The following NRG2 variants were observed in gnomAD, a reference collection of about 807,000 sequenced individuals.
The protein encoded by NRG2 is pro-neuregulin-2, membrane-bound isoform.
NRG2 carries 27 observed loss-of-function variants against 73.9 expected under a neutral mutation model. The ratio of observed to expected loss-of-function variants is 0.37; its 90% CI spans 0.27 to 0.50. NRG2 has a LOEUF of 0.50. Ranked by LOEUF, NRG2 falls within the 20% of genes least tolerant of loss-of-function variation. The probability of loss-of-function intolerance (pLI) is 0.96; values close to 1 mark genes in which losing one functional copy is unlikely to be tolerated. For synonymous variants in NRG2, 532 were observed against 541.0 expected (o/e 0.98, Z 0.23); for missense variants, 1,126 against 1,210.1 (o/e 0.93, Z 1.03).
intron 1 of NRG2, among the ~76,000 whole-genome samples, chr5:140,033,962 C>CTT (rs771835768): frequency 7.0e-6 from 1 of 143,198 alleles, no homozygotes. Flanking sequence ...AGACGGTTTC[C>CTT]TTTTTTTTTT....
At position 139,871,792 on chromosome 5, in the gene NRG2, C is replaced by T. The variant is rs199860008; in HGVS notation, c.1041G>A (p.Glu347=). ...CATTGACGCAATAGGACTTGGCTGT[C>T]TCGTTGCACTTCCGGGCGTGCCCCG... is the stretch of plus-strand genomic sequence containing the variant. ...SWSGHARKCN[E]TAKSYCVNGG... The change falls in exon 4 of 10, where the codon GAG becomes GAA. Residue 347 remains glutamate, a synonymous_variant. Transcript: ENST00000361474. 2 of 1,614,154 alleles carry T rather than the reference C, an allele frequency of 1.2e-6. No homozygotes were observed. Among genetic ancestry groups the T allele is most frequent in the African/African-American group, 2.7e-5 (2 of 75,050 alleles).
At chr5:139,995,020 T>C (rs1757922010) in intron 1 of NRG2, among the ~76,000 whole-genome samples, 1 of 152,074 alleles carries the variant, frequency 6.6e-6, no homozygotes, top group Admixed American at 6.5e-5. Flanking sequence ...CTAGAGGCAA[T>C]GAGGAGAGAT....
chr5:139,948,239 G>C (rs903324911), intron 1 of NRG2, among the ~76,000 whole-genome samples: 2 of 152,134 alleles, frequency 1.3e-5, no homozygotes, highest in African/African-American at 4.8e-5. Flanking sequence ...GAGGCAGAAG[G>C]CTTCTTTCCT....
chr5:139,982,888 C>T (rs1756917615), intron 1 of NRG2, among the ~76,000 whole-genome samples: 1 of 152,168 alleles, frequency 6.6e-6, no homozygotes, highest in Non-Finnish European at 1.5e-5. Flanking sequence ...CCATCAGAAA[C>T]TGCCTTCATG....
Position 139,852,360 on chromosome 5 carries a change from G to A in NRG2, c.1544+72C>T. 1 of 1,563,966 alleles carries A rather than the reference G, an allele frequency of 6.4e-7. No homozygotes were observed. Among genetic ancestry groups the A allele is most frequent in the Non-Finnish European group, 8.7e-7 (1 of 1,152,642 alleles). ...GGGTATTGAATAGCTCTGGATGTCG[G>A]AGTAAGTGGGCACTTTGCGCCAGAT... On this transcript the variant is annotated intron_variant, in intron 8 of 9. Transcript: ENST00000361474. The surrounding 1 kb of genome is among the most constrained non-coding windows in gnomAD (Gnocchi z 4.4).
At chr5:139,903,546 T>G (rs1581907845) in intron 1 of NRG2, among the ~76,000 whole-genome samples, 1 of 152,212 alleles carries the variant, frequency 6.6e-6, no homozygotes, top group Admixed American at 6.5e-5. Flanking sequence ...GGGCCGCCTC[T>G]GAGAAGCCCG....
chr5:139,896,367 C>T (rs1426435678), intron 1 of NRG2, among the ~76,000 whole-genome samples: 3 of 152,178 alleles, frequency 2.0e-5, no homozygotes, highest in Non-Finnish European at 4.4e-5. Context: ...GGAACAGGCT[C>T]ATGTGCTCAC....
At chr5:139,861,956 G>C (rs1287334176) in intron 5 of NRG2, among the ~76,000 whole-genome samples, 1 of 152,206 alleles carries the variant, frequency 6.6e-6, no homozygotes, top group African/African-American at 2.4e-5. Flanking sequence ...CGACGAGGTG[G>C]TTGTATTAGA....
chr5:139,876,132 G>A (rs1199623820), intron 3 of NRG2, among the ~76,000 whole-genome samples: 1 of 152,092 alleles, frequency 6.6e-6, no homozygotes, highest in East Asian at 1.9e-4. Flanking sequence ...ACTTATGAGT[G>A]GATAAATAAA....
At chr5:139,939,095 C>T (rs568782546) in intron 1 of NRG2, among the ~76,000 whole-genome samples, 6 of 151,844 alleles carry the variant, frequency 4.0e-5, no homozygotes, top group African/African-American at 1.4e-4. Flanking sequence ...TCACACCATA[C>T]ACAAAAATTA....
chr5:139,848,731 A>T (rs576473264), intron 9 of NRG2, 34 bp from the exon 10 acceptor site: 2 of 992,552 alleles, frequency 2.0e-6, no homozygotes, highest in South Asian at 2.3e-5. Context: ...GGCCAGGGCC[A>T]GGCCGGGCCG....
intron 1 of NRG2, among the ~76,000 whole-genome samples, chr5:139,909,570 C>T (rs920104301): frequency 1.3e-5 from 2 of 152,146 alleles, no homozygotes; most frequent in Non-Finnish European, 2.9e-5. Context: ...TATGTTTGCC[C>T]GTGAGTTAAA....
At chr5:139,976,460 A>G (rs1756391437) in intron 1 of NRG2, among the ~76,000 whole-genome samples, 1 of 152,194 alleles carries the variant, frequency 6.6e-6, no homozygotes, top group East Asian at 1.9e-4. Context: ...TGAGTGATCT[A>G]TTGCAGTGAT....
At chr5:139,993,210 C>T (rs1313339566) in intron 1 of NRG2, among the ~76,000 whole-genome samples, 1 of 152,086 alleles carries the variant, frequency 6.6e-6, no homozygotes, top group Admixed American at 6.6e-5. Context: ...CAGATCATAT[C>T]ATTTCCCTCT....
intron 1 of NRG2, among the ~76,000 whole-genome samples, chr5:139,987,919 C>T (rs897663586): frequency 2.0e-5 from 3 of 152,020 alleles, no homozygotes; most frequent in African/African-American, 4.8e-5. Context: ...GGACTATAGG[C>T]GCACACCGCC....
intron 1 of NRG2, among the ~76,000 whole-genome samples, chr5:140,000,996 C>T (rs1203348778): frequency 1.3e-5 from 2 of 152,188 alleles, no homozygotes; most frequent in Non-Finnish European, 2.9e-5. Flanking sequence ...CGTCTTCTGC[C>T]TTTTCTCCAC....
rs74707772 is a variant in NRG2, at chr5:140,018,855, T to C, written c.700+23515A>G. On this transcript the variant is annotated intron_variant, in intron 1 of 9. Coordinates refer to ENST00000361474, the MANE Select transcript of NRG2 (RefSeq NM_004883.3). The stretch of plus-strand genomic sequence containing the variant: ...CTTTCTCGGACCACAGAGGAAATAC[T>C]CATTTACAGTGCCAGTGTTTCTAAC... 1.1e-3 allele frequency among the ~76,000 whole-genome samples: 170 copies of C among 152,260 alleles called. 1 individual carries two copies. The highest frequency in any genetic ancestry group is 6.8e-3 in the Middle Eastern group (2 of 294).
rs138864097 is a variant in NRG2, at chr5:139,961,542, A to G, written c.701-74031T>C. 4.6e-3 allele frequency among the ~76,000 whole-genome samples: 699 copies of G among 152,316 alleles called. 9 individuals are homozygous for G. Among genetic ancestry groups the G allele is most frequent in the African/African-American group, 0.016 (683 of 41,562 alleles). ...CCTCTCCCACCATCCCAGCGACAGC[A>G]ACCCCGTAGGGGCTGATCAGCATGG... is the stretch of plus-strand genomic sequence containing the variant. On this transcript the variant is annotated intron_variant, in intron 1 of 9. Transcript: ENST00000361474.
chr5:139,899,670 C>T (rs1764753607), intron 1 of NRG2, among the ~76,000 whole-genome samples: 1 of 152,236 alleles, frequency 6.6e-6, no homozygotes, highest in African/African-American at 2.4e-5. Context: ...AGGGCAGGGA[C>T]TCGACCCACT....
Sources: allele counts gnomAD v4.1 joint callset (sites outside exome capture counted in the v4.1 genomes callset), GRCh38; gene constraint gnomAD v4.1.1; non-coding constraint Gnocchi (gnomAD v3.1); transcripts MANE v1.5; gene names NCBI Gene and HGNC (gene_info 2026-07-23, HGNC 2026-07-21).